Variants in GRHL3 observed in about 807,000 individuals in gnomAD.
The protein encoded by GRHL3 is grainyhead-like protein 3 homolog.
In GRHL3, 20 loss-of-function variants were observed where a neutral mutation model predicts 70.3. That is an observed-to-expected ratio of 0.28 (90% confidence interval 0.20 to 0.41). The LOEUF is 0.41. Among genes scored for constraint, GRHL3 ranks in the 10% least tolerant of loss-of-function variants. GRHL3 has a pLI of 1.00. For missense variants in GRHL3, 637 were observed against 762.3 expected (o/e 0.84, Z 1.94); for synonymous variants, 299 against 299.9 (o/e 1.00, Z 0.03).
At position 24,319,450 on chromosome 1, in the gene GRHL3, TCAAA is replaced by T; in HGVS notation, c.-99_-96del. The T allele has an allele frequency of 7.1e-6, 9 of 1,270,366 alleles. No homozygotes were observed. The South Asian group carries it at 8.3e-5, about 12-fold the overall frequency. The allele number at this position is 1,270,366 out of a possible 1,614,324, so 78.7% of individuals were successfully genotyped here. A position where few individuals can be genotyped will look rare whatever the true frequency, so the allele number is the denominator to read the frequency against. Reference sequence around the variant, plus strand: ...CTCGACACCCAAACCTCAACATAAATCAAACACTTTCCCGGGCAGAGAATGTCTG... The same window carrying T: ...CTCGACACCCAAACCTCAACATAAATCACTTTCCCGGGCAGAGAATGTCTG... On this transcript the variant is annotated 5_prime_UTR_variant, in exon 1 of 16. Transcript: ENST00000361548.
At chr1:24,349,542 A>G (rs558791276) in intron 14 of GRHL3, among the ~76,000 whole-genome samples, 2 of 152,308 alleles carry the variant, frequency 1.3e-5, no homozygotes, top group South Asian at 4.1e-4. Context: ...ATGTGGATCA[A>G]TCCACTTAAT....
At chr1:24,328,520 G>A (rs899127145) in intron 1 of GRHL3, among the ~76,000 whole-genome samples, 3 of 152,228 alleles carry the variant, frequency 2.0e-5, no homozygotes, top group African/African-American at 4.8e-5. Flanking sequence ...GACATTGTCT[G>A]TTCTTTTGTT....
chr1:24,361,840 C>T lies in GRHL3; in HGVS notation c.1695-2345C>T, dbSNP rs111337970. On this transcript the variant is annotated intron_variant, in intron 15 of 15. Coordinates refer to the GRHL3 transcript ENST00000350501. Reference sequence around the variant, plus strand: ...CTAACTCATTCTGGGCCTCAGTTTCCCCATCTGTAAAAGGAAGGGGTTGGA... The same window carrying T: ...CTAACTCATTCTGGGCCTCAGTTTCTCCATCTGTAAAAGGAAGGGGTTGGA... Among the ~76,000 whole-genome samples the T allele has an allele frequency of 5.4e-3, 818 of 152,222 alleles. 7 individuals are homozygous for T. Among genetic ancestry groups the T allele is most frequent in the African/African-American group, 0.017 (688 of 41,526 alleles).
chr1:24,363,668 A>C (rs1641268728), intron 15 of GRHL3, among the ~76,000 whole-genome samples: 1 of 152,250 alleles, frequency 6.6e-6, no homozygotes, highest in Non-Finnish European at 1.5e-5. Flanking sequence ...ATCTGTTCGA[A>C]TAGAGGTTAA....
chr1:24,339,681 A>G lies in GRHL3; in HGVS notation c.966A>G (p.Glu322=). 4 of 1,611,048 alleles carry G rather than the reference A, an allele frequency of 2.5e-6. No individual in the cohort carries two copies. Among genetic ancestry groups the G allele is most frequent in the Non-Finnish European group, 3.4e-6 (4 of 1,177,958 alleles). Residue 322 remains glutamate, a synonymous_variant, in exon 8 of 16, where the codon GAA becomes GAG. Transcript: ENST00000361548. ...CTGTGGTTTCAGCTGACTGCAAAGA[A>G]AACTTCAACACTGTGGAGCACATTG... The part of the protein sequence containing the change: ...QRVIDVADCK[E]NFNTVEHIEE...
intron 15 of GRHL3, among the ~76,000 whole-genome samples, chr1:24,362,975 C>T (rs1025116272): frequency 1.3e-5 from 2 of 152,174 alleles, no homozygotes; most frequent in Admixed American, 6.5e-5. Flanking sequence ...TGGCTTGTGG[C>T]TCCCCCTTCA....
intron 15 of GRHL3, among the ~76,000 whole-genome samples, chr1:24,361,274 T>C (rs1172667419): frequency 6.6e-6 from 1 of 152,152 alleles, no homozygotes; most frequent in Non-Finnish European, 1.5e-5. Flanking sequence ...GTTGTCAGGA[T>C]AAATGAGATG....
intron 11 of GRHL3, chr1:24,343,301 A>G (rs1265686181): frequency 4.8e-6 from 2 of 420,518 alleles, no homozygotes; most frequent in Non-Finnish European, 8.7e-6. Context: ...ATCTGACCCC[A>G]AATTTGATTG....
rs564024150 is a variant in GRHL3 at position 24,360,892 on chromosome 1, C to T, written c.1695-3293C>T. The T allele has an allele frequency of 5.0e-5, 80 of 1,613,492 alleles. 1 individual carries two copies. The South Asian group carries it at 5.8e-4, about 12-fold the overall frequency. On this transcript the variant is annotated intron_variant, in intron 15 of 15. Transcript: ENST00000350501. ...TGGCTGAGGCGGCGCCGCTGTCCAC[C>T]GGCTGGTATTGGACACGAATGATGC...
At chr1:24,332,569 G>A (rs1639651958) in intron 2 of GRHL3, among the ~76,000 whole-genome samples, 1 of 152,184 alleles carries the variant, frequency 6.6e-6, no homozygotes, top group African/African-American at 2.4e-5. Context: ...AATCCAGGTA[G>A]GCCCTACTTA....
downstream of GRHL3, chr1:24,358,626 G>C (rs367604358): frequency 1.2e-6 from 2 of 1,610,230 alleles, no homozygotes; most frequent in Non-Finnish European, 1.7e-6. Flanking sequence ...GTAGCTGTGA[G>C]GGGACAGAGA....
At chr1:24,345,493 G>C (rs1640243103) in intron 12 of GRHL3, among the ~76,000 whole-genome samples, 2 of 151,816 alleles carry the variant, frequency 1.3e-5, no homozygotes, top group Admixed American at 6.6e-5. Context: ...GGTTTTTATG[G>C]GTTTGTTTTA....
In GRHL3 at chr1:24,348,945, A is replaced by G. The variant is rs574465728; in HGVS notation, c.1630-1113A>G. 3.2e-4 allele frequency among the ~76,000 whole-genome samples: 49 copies of G among 152,320 alleles called. 1 individual carries two copies. Among genetic ancestry groups the G allele is most frequent in the African/African-American group, 1.1e-3 (44 of 41,560 alleles). On this transcript the variant is annotated intron_variant, in intron 14 of 15. Coordinates refer to ENST00000361548, the MANE Select transcript of GRHL3 (RefSeq NM_198173.3). Reference sequence around the variant, plus strand: ...CTGCAGCTTCTAGGCAGCTAGTACTAATCAACACCGACGTCTTACAGAGCT... The same window carrying G: ...CTGCAGCTTCTAGGCAGCTAGTACTGATCAACACCGACGTCTTACAGAGCT...
At chr1:24,359,423 A>G (rs1037079296), downstream of GRHL3, among the ~76,000 whole-genome samples, 2 of 152,198 alleles carry the variant, frequency 1.3e-5, no homozygotes, top group African/African-American at 2.4e-5. The surrounding 1 kb of genome is among the most constrained non-coding windows in gnomAD (Gnocchi z 5.3). Flanking sequence ...GAGCATTTGC[A>G]TGTTTGCAAT....
At chr1:24,341,302 C>T (rs563409675) in intron 8 of GRHL3, among the ~76,000 whole-genome samples, 1 of 152,318 alleles carries the variant, frequency 6.6e-6, no homozygotes, top group African/African-American at 2.4e-5. Context: ...ACACACCCCA[C>T]AGCCACACAA....
At position 24,331,529 on chromosome 1, in the gene GRHL3, A is replaced by T; in HGVS notation, c.121A>T (p.Thr41Ser). The T allele has an allele frequency of 6.2e-7, 1 of 1,614,192 alleles. No individual in the cohort carries two copies. Among genetic ancestry groups the T allele is most frequent in the Non-Finnish European group, 8.5e-7 (1 of 1,180,030 alleles). ...AWKTYLENPL[T>S]AATKAMMRVN... ...GAAGACGTACCTAGAAAACCCGTTGACAGCTGCCACAAAGGCCATGATGAG... is the reference window on the plus strand; with the variant it reads ...GAAGACGTACCTAGAAAACCCGTTGTCAGCTGCCACAAAGGCCATGATGAG... The change falls in exon 2 of 16, where the codon ACA becomes TCA. Residue 41 changes from threonine to serine, a missense_variant. By Grantham distance (58) the Thr-to-Ser change is moderately conservative. This residue lies in a region of GRHL3 where 250 missense variants were observed against 248.6 expected (regional missense o/e 1.01). Transcript: ENST00000361548.
At chr1:24,343,471 G>C (rs1640128996) in intron 11 of GRHL3, among the ~76,000 whole-genome samples, 1 of 152,174 alleles carries the variant, frequency 6.6e-6, no homozygotes, top group Admixed American at 6.5e-5. Context: ...TGGAGGCACA[G>C]AGAAGTTAAG....
chr1:24,343,242 A>T (rs1486873751), intron 11 of GRHL3: 3 of 540,376 alleles, frequency 5.6e-6, no homozygotes, highest in Non-Finnish European at 9.8e-6. Flanking sequence ...CAGATTTCGT[A>T]ACCATTAAAA....
At position 24,337,704 on chromosome 1, in the gene GRHL3, A is replaced by T; in HGVS notation, c.755A>T (p.Tyr252Phe). Residue 252 changes from tyrosine (Y) to phenylalanine (F), a missense_variant, in exon 6 of 16, where the codon TAC (tyrosine) becomes TTC (phenylalanine). Coordinates refer to ENST00000361548, the MANE Select transcript of GRHL3 (RefSeq NM_198173.3). Reference sequence around the variant, plus strand: ...AAGTCAGGCGAGTCACCCATGGCCTACCTCAACAAAGGCCAGTTCTACCCC... The same window carrying T: ...AAGTCAGGCGAGTCACCCATGGCCTTCCTCAACAAAGGCCAGTTCTACCCC... ...HIKSGESPMA[Y>F]LNKGQFYPVT... The T allele has an allele frequency of 1.2e-6, 2 of 1,614,136 alleles. No homozygotes were observed. Among genetic ancestry groups the T allele is most frequent in the Non-Finnish European group, 1.7e-6 (2 of 1,180,010 alleles).
Sources: gnomAD v4.1 joint callset for allele counts (sites outside exome capture counted in the v4.1 genomes callset) on GRCh38, gnomAD v4.1.1 for gene constraint, gnomAD v4.1.1 regional missense constraint, Gnocchi (gnomAD v3.1) non-coding constraint, MANE v1.5 for transcripts, NCBI Gene and HGNC (gene_info 2026-07-23, HGNC 2026-07-21) for gene names.